SIPA1L1: variants seen among roughly 807,000 people sequenced by gnomAD.
SIPA1L1 encodes the protein signal induced proliferation associated 1 like 1, also known as signal-induced proliferation-associated 1-like protein 1.
Under a neutral mutation model 162.7 loss-of-function variants are expected in SIPA1L1, and 26 were observed. The ratio of observed to expected loss-of-function variants is 0.16; its 90% confidence interval spans 0.12 to 0.22. The LOEUF is 0.22. Ranked by LOEUF, SIPA1L1 falls within the 10% of genes least tolerant of loss-of-function variation. SIPA1L1 has a pLI of 1.00. For synonymous variants in SIPA1L1, 829 were observed against 837.4 expected (o/e 0.99, Z 0.17); for missense variants, 1,874 against 2,241.0 (o/e 0.84, Z 3.31).
chr14:71,450,089 A>G (rs555483225), intron 2 of SIPA1L1, among the ~76,000 whole-genome samples: 1 of 152,292 alleles, frequency 6.6e-6, no homozygotes, highest in Non-Finnish European at 1.5e-5. Context: ...TCCTAAACCC[A>G]GAGATATATG....
chr14:71,356,017 C>T (rs1218337145), intron 2 of SIPA1L1, among the ~76,000 whole-genome samples: 1 of 152,138 alleles, frequency 6.6e-6, no homozygotes, highest in Admixed American at 6.5e-5. Context: ...GAATGGTTGC[C>T]AGTTCTGCAC....
At chr14:71,590,425 G>T (rs2035238532) in intron 5 of SIPA1L1, among the ~76,000 whole-genome samples, 1 of 151,998 alleles carries the variant, frequency 6.6e-6, no homozygotes, top group Non-Finnish European at 1.5e-5. Flanking sequence ...GTTTTGAATG[G>T]TATTTAAAAT....
chr14:71,462,303 C>G (rs2046663447), intron 2 of SIPA1L1, among the ~76,000 whole-genome samples: 2 of 152,190 alleles, frequency 1.3e-5, no homozygotes, highest in South Asian at 4.1e-4. Flanking sequence ...CTGAGGGCTC[C>G]AAACAGCATC....
intron 19 of SIPA1L1, among the ~76,000 whole-genome samples, chr14:71,727,203 TGC>T (rs2084323584): frequency 6.6e-6 from 1 of 152,110 alleles, no homozygotes; most frequent in South Asian, 2.1e-4. Context: ...GTAGTGCCAG[TGC>T]TCTCAGGTAT....
intron 17 of SIPA1L1, among the ~76,000 whole-genome samples, chr14:71,711,048 G>A (rs1358692808): frequency 6.6e-6 from 1 of 152,096 alleles, no homozygotes; most frequent in East Asian, 1.9e-4. Context: ...CATTTAAAAT[G>A]TCAGGCCCCA....
chr14:71,580,361 A>G (rs967950989), intron 4 of SIPA1L1, among the ~76,000 whole-genome samples: 2 of 152,200 alleles, frequency 1.3e-5, no homozygotes, highest in African/African-American at 4.8e-5. Context: ...GGAAAGGGGA[A>G]CTAATGATGG....
chr14:71,329,567 A>T (rs908961914), intron 2 of SIPA1L1, among the ~76,000 whole-genome samples: 1 of 152,074 alleles, frequency 6.6e-6, no homozygotes, highest in Non-Finnish European at 1.5e-5. Context: ...CAGCCTCCCG[A>T]GTAGCTGGGA....
At chr14:71,350,081 A>G (rs1594941461) in intron 2 of SIPA1L1, among the ~76,000 whole-genome samples, 2 of 152,162 alleles carry the variant, frequency 1.3e-5, no homozygotes, top group African/African-American at 2.4e-5. Flanking sequence ...AGTGATTATG[A>G]AAAAACTTTT....
chr14:71,711,192 T>G (rs749835068), intron 17 of SIPA1L1, among the ~76,000 whole-genome samples: 26 of 152,370 alleles, frequency 1.7e-4, no homozygotes, highest in South Asian at 2.1e-4. Context: ...TCAGTATTCT[T>G]GAGTACTATG....
chr14:71,529,844 A>G (rs896370910), intron 4 of SIPA1L1, among the ~76,000 whole-genome samples: 14 of 152,196 alleles, frequency 9.2e-5, no homozygotes, highest in Non-Finnish European at 1.6e-4. Context: ...CGTGGCTCCA[A>G]TGTGGGTTTG....
chr14:71,731,502 T>C (rs1165308929), intron 20 of SIPA1L1, among the ~76,000 whole-genome samples: 2 of 152,234 alleles, frequency 1.3e-5, no homozygotes. Flanking sequence ...AACCTTTTTC[T>C]CTTCTTCTCT....
At chr14:71,564,490 C>CTTTTTCTTTT (rs1555459920) in intron 4 of SIPA1L1, among the ~76,000 whole-genome samples, 9 of 97,778 alleles carry the variant, frequency 9.2e-5, no homozygotes, top group African/African-American at 3.2e-4. Context: ...CATTTTCTTT[C>CTTTTTCTTTT]TTTTTTTTTT....
At chr14:71,663,182 T>G (rs900096515) in intron 10 of SIPA1L1, among the ~76,000 whole-genome samples, 3 of 152,218 alleles carry the variant, frequency 2.0e-5, no homozygotes, top group African/African-American at 7.2e-5. Flanking sequence ...TTTGACCAAT[T>G]TATACATTTT....
At chr14:71,648,804 C>T (rs76698876) in intron 7 of SIPA1L1, among the ~76,000 whole-genome samples, 2 of 152,328 alleles carry the variant, frequency 1.3e-5, no homozygotes, top group East Asian at 1.9e-4. Flanking sequence ...TATGTTGCAG[C>T]GGTTGTCCAA....
chr14:71,683,712 A>G (rs1007253839), intron 12 of SIPA1L1, among the ~76,000 whole-genome samples: 2 of 152,214 alleles, frequency 1.3e-5, no homozygotes, highest in Non-Finnish European at 2.9e-5. Flanking sequence ...AATATTAGAG[A>G]AAAGGTTCTA....
In SIPA1L1 at chr14:71,723,779, T is replaced by C. The variant is rs146071944; in HGVS notation, c.4341T>C (p.Ser1447=). The C allele has an allele frequency of 2.4e-4, 392 of 1,614,188 alleles. No individual in the cohort carries two copies. In the African/African-American group the frequency reaches 4.7e-3, roughly 19 times the overall value. The change falls in exon 18 of 24, where the codon TCT becomes TCC. Residue 1447 remains serine (S), a synonymous_variant. Coordinates refer to ENST00000381232, the MANE Select transcript of SIPA1L1 (RefSeq NM_001386936.1). ...TCTCCTCCTCTTCCTCCTCCTCCTC[T>C]GGTCCTAGGAGTTTTTACCCTCGCC... is the stretch of plus-strand genomic sequence containing the variant. The part of the protein sequence containing the change: ...PSFSSSSSSS[S]GPRSFYPRQG...
At chr14:71,699,572 T>C (rs1422791891) in intron 14 of SIPA1L1, among the ~76,000 whole-genome samples, 2 of 152,214 alleles carry the variant, frequency 1.3e-5, no homozygotes, top group Non-Finnish European at 2.9e-5. Context: ...TGAGGAATTC[T>C]GACCAGGCAG....
At chr14:71,394,189 G>T (rs2040998936) in intron 2 of SIPA1L1, among the ~76,000 whole-genome samples, 3 of 152,182 alleles carry the variant, frequency 2.0e-5, no homozygotes, top group African/African-American at 7.2e-5. Context: ...TCAGAGAGTT[G>T]TTCTACTGGG....
Position 71,377,121 on chromosome 14 carries a change from G to GC in SIPA1L1, c.-465+55947dup, listed in dbSNP as rs528463334. Among the ~76,000 whole-genome samples the GC allele has an allele frequency of 1.2e-4, 18 of 146,760 alleles. No homozygotes were observed. Among genetic ancestry groups the GC allele is most frequent in the South Asian group, 6.6e-4 (3 of 4,580 alleles). On this transcript the variant is annotated intron_variant, in intron 2 of 23. Transcript: ENST00000381232. This position sits in a 1 kb window ranked among gnomAD's most constrained non-coding sequence, Gnocchi z 4.8. ...CCAGATGTGGCGGCCGGGCAGAGGGGCCCCCCCACCCCCCAGATGGGGCGG... is the reference window on the plus strand; with the variant it reads ...CCAGATGTGGCGGCCGGGCAGAGGGGCCCCCCCCACCCCCCAGATGGGGCGG...
Sources: allele counts gnomAD v4.1 joint callset (sites outside exome capture counted in the v4.1 genomes callset), GRCh38; gene constraint gnomAD v4.1.1; non-coding constraint Gnocchi (gnomAD v3.1); transcripts MANE v1.5; gene names NCBI Gene and HGNC (gene_info 2026-07-23, HGNC 2026-07-21).